POMP: variants seen among roughly 807,000 people sequenced by gnomAD.
POMP encodes the protein proteasome maturation protein, also known as 2510048O06Rik.
In POMP, 12 loss-of-function variants were observed where a neutral mutation model predicts 20.6. The observed-to-expected ratio is 0.58, with a 90% CI of 0.37 to 0.94. The LOEUF (loss-of-function observed/expected upper bound fraction) is 0.94. Ranked by LOEUF, POMP falls within the 40% of genes least tolerant of loss-of-function variation. The pLI is 0.01. For missense variants in POMP, 136 were observed against 161.1 expected, an observed-to-expected ratio of 0.84 and a Z score of 0.84; for synonymous variants, 53 against 55.0, an observed-to-expected ratio of 0.96 and a Z score of 0.16.
intron 2 of POMP, among the ~76,000 whole-genome samples, chr13:28,662,813 C>T (rs1884369600): frequency 6.6e-6 from 1 of 152,146 alleles, no homozygotes; most frequent in Non-Finnish European, 1.5e-5. Context: ...CTTGTCTTAA[C>T]TATTAGGGTA....
At chr13:28,672,222 T>C (rs551841465) in intron 4 of POMP, 117 bp from the exon 5 acceptor site, 1 of 795,356 alleles carries the variant, frequency 1.3e-6, no homozygotes, top group Admixed American at 1.9e-5. Context: ...AAATTGATCT[T>C]GTATTTGGTT....
chr13:28,667,989 A>G (rs976116055), intron 3 of POMP, among the ~76,000 whole-genome samples: 1 of 152,216 alleles, frequency 6.6e-6, no homozygotes, highest in African/African-American at 2.4e-5. Flanking sequence ...AGTACCAAAA[A>G]TAAGTGGAGT....
intron 5 of POMP, among the ~76,000 whole-genome samples, chr13:28,674,814 G>C (rs1884602461): frequency 6.6e-6 from 1 of 152,124 alleles, no homozygotes; most frequent in Non-Finnish European, 1.5e-5. Flanking sequence ...AGAGGTGGGA[G>C]GATCAGTTTA....
chr13:28,669,513 C>T (rs1360710994), intron 4 of POMP, among the ~76,000 whole-genome samples: 1 of 152,078 alleles, frequency 6.6e-6, no homozygotes, highest in Non-Finnish European at 1.5e-5. Context: ...GTAGCAGGGA[C>T]TACAGTCACT....
At chr13:28,664,704 C>A in intron 3 of POMP, 135 bp downstream of exon 3, 1 of 611,056 alleles carries the variant, frequency 1.6e-6, no homozygotes, top group Non-Finnish European at 2.9e-6. Context: ...TTTTCAAACC[C>A]CTTGTAGGAT....
At chr13:28,660,872 A>G (rs1884327180) in intron 1 of POMP, among the ~76,000 whole-genome samples, 1 of 152,180 alleles carries the variant, frequency 6.6e-6, no homozygotes, top group African/African-American at 2.4e-5. Flanking sequence ...GAAAACCTTG[A>G]TATACAGAAC....
chr13:28,666,005 A>G (rs905666147), intron 3 of POMP, among the ~76,000 whole-genome samples: 6 of 152,192 alleles, frequency 3.9e-5, no homozygotes, highest in Non-Finnish European at 7.3e-5. Flanking sequence ...TTTTTCAAGG[A>G]CTTGTGGGCA....
chr13:28,672,189 A>G (rs1402438006), intron 4 of POMP, 150 bp from the exon 5 acceptor site: 4 of 692,814 alleles, frequency 5.8e-6, no homozygotes, highest in Non-Finnish European at 5.3e-6. Context: ...TAAAATATGA[A>G]CTAGTGTTTT....
intron 4 of POMP, among the ~76,000 whole-genome samples, chr13:28,670,466 C>G (rs1884527720): frequency 1.3e-5 from 2 of 152,170 alleles, no homozygotes; most frequent in African/African-American, 4.8e-5. Context: ...AACACTCATC[C>G]CTGCTGCCCC....
intron 5 of POMP, among the ~76,000 whole-genome samples, chr13:28,677,411 T>C (rs758108290): frequency 2.6e-5 from 4 of 152,214 alleles, no homozygotes; most frequent in Non-Finnish European, 4.4e-5. Context: ...TCTAGTCCTA[T>C]GTTGAGTAGA....
At chr13:28,660,917 A>G (rs922966941) in intron 1 of POMP, among the ~76,000 whole-genome samples, 3 of 152,196 alleles carry the variant, frequency 2.0e-5, no homozygotes, top group African/African-American at 4.8e-5. Flanking sequence ...AGCAAGACCC[A>G]GTAGAATGCT....
chr13:28,676,382 C>T (rs977298021), intron 5 of POMP, among the ~76,000 whole-genome samples: 18 of 152,130 alleles, frequency 1.2e-4, no homozygotes, highest in African/African-American at 2.4e-4. Context: ...AAGTAATCCC[C>T]GCTCTGTCAC....
chr13:28,660,941 A>G (rs532767352), intron 1 of POMP, among the ~76,000 whole-genome samples: 4 of 152,324 alleles, frequency 2.6e-5, no homozygotes, highest in African/African-American at 9.6e-5. Flanking sequence ...GAAGTTATCC[A>G]TGTGTGATAG....
At chr13:28,671,664 G>T (rs1884548729) in intron 4 of POMP, among the ~76,000 whole-genome samples, 1 of 150,512 alleles carries the variant, frequency 6.6e-6, no homozygotes, top group African/African-American at 2.4e-5. Context: ...ACAATCTAGA[G>T]AAATTTTTCC....
intron 4 of POMP, among the ~76,000 whole-genome samples, chr13:28,669,893 C>T (rs1370854380): frequency 6.6e-6 from 1 of 152,012 alleles, no homozygotes; most frequent in Non-Finnish European, 1.5e-5. Flanking sequence ...ATCACTCAAG[C>T]TCAGGTGTTC....
rs764723253 is a variant in POMP at position 28,672,384 on chromosome 13, G to A, written c.310G>A (p.Val104Ile). The change falls in exon 5 of 6, where the codon GTT becomes ATT. Residue 104 changes from valine (V) to isoleucine (I), a missense_variant. Physicochemically the swap from Val to Ile is conservative, Grantham distance 29. Coordinates refer to ENST00000380842, the MANE Select transcript of POMP (RefSeq NM_015932.6). Reference sequence around the variant, plus strand: ...TTCAAGCTCAAATCTTTCACTGGATGTTTTGAGGGGTAATGATGAGACTAT... The same window carrying A: ...TTCAAGCTCAAATCTTTCACTGGATATTTTGAGGGGTAATGATGAGACTAT... ...FLSSSNLSLD[V>I]LRGNDETIGF... 12 of 1,610,900 alleles carry A rather than the reference G, an allele frequency of 7.4e-6. No homozygotes were observed. The East Asian group carries it at 1.3e-4, about 18-fold the overall frequency.
Position 28,659,154 on chromosome 13 carries a change from G to T in POMP, c.-31G>T. The stretch of plus-strand genomic sequence containing the variant: ...CGGCGGGGTCGACTGACGGTAACGG[G>T]GCAGAGAGGCTGTTCGCAGAGCTGC... On this transcript the variant is annotated 5_prime_UTR_variant, in exon 1 of 6. Coordinates refer to ENST00000380842, the MANE Select transcript of POMP (RefSeq NM_015932.6). 2 of 1,580,428 alleles carry T rather than the reference G, an allele frequency of 1.3e-6. No individual in the cohort carries two copies. Among genetic ancestry groups the T allele is most frequent in the Non-Finnish European group, 1.7e-6 (2 of 1,164,042 alleles).
chr13:28,661,326 C>A (rs144445005), intron 1 of POMP, among the ~76,000 whole-genome samples: 1 of 151,964 alleles, frequency 6.6e-6, no homozygotes, highest in Admixed American at 6.6e-5. Context: ...ATTAGCCAGG[C>A]GTGATGTTGC....
chr13:28,664,495 TA>T lies in POMP; in HGVS notation c.102-12del. On this transcript the variant is annotated splice_polypyrimidine_tract_variant and intron_variant, in intron 2 of 5. Coordinates refer to ENST00000380842, the MANE Select transcript of POMP (RefSeq NM_015932.6). ...TAATCTCCTCTAAATGTTTTTTTTT[TA>T]ATGTCCTTTCAGTTTTTCTTGTGTG... The T allele has an allele frequency of 6.5e-7, 1 of 1,546,136 alleles. No homozygotes were observed. The highest frequency in any genetic ancestry group is 8.9e-7 in the Non-Finnish European group (1 of 1,121,544).
Sources: gnomAD v4.1 joint callset for allele counts (sites outside exome capture counted in the v4.1 genomes callset) on GRCh38, gnomAD v4.1.1 for gene constraint, MANE v1.5 for transcripts, NCBI Gene and HGNC (gene_info 2026-07-23, HGNC 2026-07-21) for gene names.